CAPN2: variants seen among roughly 807,000 people sequenced by gnomAD.
CAPN2 encodes calpain-2 catalytic subunit.
Under a neutral mutation model 102.3 loss-of-function variants are expected in CAPN2, and 92 were observed. That is an observed-to-expected ratio of 0.90 (90% CI 0.76 to 1.07). The LOEUF (loss-of-function observed/expected upper bound fraction) is 1.07. Among genes scored for constraint, CAPN2 ranks in the 50% least tolerant of loss-of-function variants. The probability of loss-of-function intolerance (pLI) is 0.00; values close to 1 mark genes in which losing one functional copy is unlikely to be tolerated. For missense variants in CAPN2, 800 were observed against 909.4 expected (o/e 0.88, Z 1.55); for synonymous variants, 340 against 355.4 (o/e 0.96, Z 0.49).
At chr1:223,748,049 G>A (rs1247623232) in intron 5 of CAPN2, among the ~76,000 whole-genome samples, 1 of 152,010 alleles carries the variant, frequency 6.6e-6, no homozygotes, top group Non-Finnish European at 1.5e-5. Flanking sequence ...TTCCCTGGGA[G>A]CCCCTGCCAC....
At chr1:223,750,710 G>A (rs765977007) in intron 6 of CAPN2, among the ~76,000 whole-genome samples, 180 bp from the exon 7 acceptor site, 5 of 152,206 alleles carry the variant, frequency 3.3e-5, no homozygotes, top group Non-Finnish European at 7.3e-5. Context: ...AGAGGTCTGG[G>A]TGCCAAGCCC....
chr1:223,762,382 T>C lies in CAPN2; in HGVS notation c.1632+131T>C. ...AACAAAAGCAAAGAGAAATTGCAAA[T>C]GGCACTTGGGTTCCAGCTCAGCCCT... On this transcript the variant is annotated intron_variant, in intron 14 of 20. Transcript: ENST00000295006. 4 of 725,714 alleles carry C rather than the reference T, an allele frequency of 5.5e-6. 1 individual carries two copies. The South Asian group carries it at 6.9e-5, about 12-fold the overall frequency. The allele number at this position is 725,714 out of a possible 1,614,324, so 45.0% of individuals were successfully genotyped here.
intron 2 of CAPN2, among the ~76,000 whole-genome samples, chr1:223,724,904 G>A (rs1660149262): frequency 6.6e-6 from 1 of 152,186 alleles, no homozygotes; most frequent in African/African-American, 2.4e-5. Context: ...AGCCCAGGAG[G>A]TCAAGGCTGC....
intron 2 of CAPN2, among the ~76,000 whole-genome samples, chr1:223,737,732 A>ATAACAC: frequency 6.8e-6 from 1 of 147,968 alleles, no homozygotes; most frequent in Non-Finnish European, 1.5e-5. Flanking sequence ...AGAGAATACA[A>ATAACAC]TAACACCATG....
At chr1:223,750,804 C>G (rs190752061) in intron 6 of CAPN2, 86 bp from the exon 7 acceptor site, 51 of 1,254,484 alleles carry the variant, frequency 4.1e-5, no homozygotes, top group Admixed American at 9.9e-5. Flanking sequence ...CCTCCTGGCT[C>G]ATGCGGAAGG....
rs201997062 is a variant in CAPN2, at chr1:223,750,987, G to A, written c.899+12G>A. The stretch of plus-strand genomic sequence containing the variant: ...CGGTGGAATGACAAGTGAGGAGGGC[G>A]CAGGCCTCGGGGCCCCAGGCGGGGG... On this transcript the variant is annotated intron_variant, in intron 7 of 20. Transcript: ENST00000295006. The A allele has an allele frequency of 4.1e-4, 640 of 1,550,410 alleles. 2 individuals carry two copies. Among genetic ancestry groups the A allele is most frequent in the East Asian group, 2.6e-3 (108 of 40,914 alleles).
At chr1:223,745,720 A>C (rs573979473) in intron 4 of CAPN2, among the ~76,000 whole-genome samples, 2 of 152,386 alleles carry the variant, frequency 1.3e-5, no homozygotes, top group East Asian at 3.9e-4. Flanking sequence ...GAGATAGTGC[A>C]TGCAGGGTGC....
intron 2 of CAPN2, among the ~76,000 whole-genome samples, chr1:223,741,433 A>ATG (rs1558067950): frequency 1.5e-5 from 1 of 67,216 alleles, no homozygotes; most frequent in African/African-American, 1.5e-4. Flanking sequence ...ATATATATAT[A>ATG]TAATGTGTAT....
At chr1:223,753,042 C>T (rs1660945070) in intron 9 of CAPN2, 86 bp downstream of exon 9, 3 of 1,291,912 alleles carry the variant, frequency 2.3e-6, no homozygotes, top group Non-Finnish European at 1.1e-6. Context: ...GTACCACACC[C>T]CAGCCTAGCA....
At chr1:223,722,743 A>T (rs1013563385) in intron 2 of CAPN2, among the ~76,000 whole-genome samples, 1 of 152,174 alleles carries the variant, frequency 6.6e-6, no homozygotes, top group Non-Finnish European at 1.5e-5. Flanking sequence ...AGTTTCCCCT[A>T]TTATTAACAT....
In CAPN2 at chr1:223,702,165, C is replaced by T. The variant is rs1327602236; in HGVS notation, c.3+334C>T. Among the ~76,000 whole-genome samples the T allele has an allele frequency of 3.4e-5, 5 of 145,138 alleles. No homozygotes were observed. In the South Asian group the frequency reaches 1.1e-3, roughly 33 times the overall value. On this transcript the variant is annotated intron_variant, in intron 1 of 20. Coordinates refer to the CAPN2 transcript ENST00000433674. Reference sequence around the variant, plus strand: ...AGGAGGCTGGGCGCCGTGGCTCACGCCTGTAATCCCAGCACTTTGGGAGGC... The same window carrying T: ...AGGAGGCTGGGCGCCGTGGCTCACGTCTGTAATCCCAGCACTTTGGGAGGC...
intron 1 of CAPN2, among the ~76,000 whole-genome samples, 187 bp from the exon 2 acceptor site, chr1:223,717,575 A>C (rs1244273991): frequency 1.3e-5 from 2 of 152,120 alleles, no homozygotes; most frequent in Non-Finnish European, 2.9e-5. Flanking sequence ...CCATCCACCC[A>C]TCAGGGCCCA....
At position 223,737,260 on chromosome 1, in the gene CAPN2, G is replaced by A. The variant is rs1660477394; in HGVS notation, c.308-6840G>A. Among the ~76,000 whole-genome samples the A allele has an allele frequency of 3.3e-5, 5 of 152,292 alleles. No homozygotes were observed. The South Asian group carries it at 1.0e-3, about 32-fold the overall frequency. The stretch of plus-strand genomic sequence containing the variant: ...CCTCTCAGGTCTGTGCCAGTTGAGT[G>A]TCTTCCAGGACAGAAGCATGGCTGG... On this transcript the variant is annotated intron_variant, in intron 2 of 20. Transcript: ENST00000295006.
At chr1:223,706,440 T>C (rs1457739179) in intron 1 of CAPN2, among the ~76,000 whole-genome samples, 3 of 152,224 alleles carry the variant, frequency 2.0e-5, no homozygotes, top group Non-Finnish European at 4.4e-5. Flanking sequence ...ATATTCTCTG[T>C]GATCTCCTTT....
chr1:223,744,094 TC>T lies in CAPN2; in HGVS notation c.308-5del. ...CTGATAAGAGCTCCTTGTGCTGTGT[TC>T]ACAGGTGACTGCTGGCTGCTGGCAG... is the stretch of plus-strand genomic sequence containing the variant. On this transcript the variant is annotated splice_region_variant and splice_polypyrimidine_tract_variant and intron_variant, in intron 2 of 20. Coordinates refer to ENST00000295006, the MANE Select transcript of CAPN2 (RefSeq NM_001748.5). 2 of 1,599,242 alleles carry T rather than the reference TC, an allele frequency of 1.3e-6. No individual in the cohort carries two copies. The highest frequency in any genetic ancestry group is 1.7e-6 in the Non-Finnish European group (2 of 1,166,488).
Position 223,761,777 on chromosome 1 carries a change from C to G in CAPN2, c.1566+160C>G, listed in dbSNP as rs1166802943. On this transcript the variant is annotated intron_variant, in intron 13 of 20. Coordinates refer to ENST00000295006, the MANE Select transcript of CAPN2 (RefSeq NM_001748.5). ...CAAGAGTCGACTACCTGCATCAGCTCTGGCCTCTGTGCTGGGGGCATGGGC... is the reference window on the plus strand; with the variant it reads ...CAAGAGTCGACTACCTGCATCAGCTGTGGCCTCTGTGCTGGGGGCATGGGC... 19 of 626,584 alleles carry G rather than the reference C, an allele frequency of 3.0e-5. No individual in the cohort carries two copies. In the Middle Eastern group the frequency reaches 7.6e-4, roughly 25 times the overall value. 38.8% of individuals were successfully genotyped at this position (626,584 alleles called of 1,614,324 possible).
At chr1:223,739,905 G>A (rs1660570130) in intron 2 of CAPN2, among the ~76,000 whole-genome samples, 1 of 152,272 alleles carries the variant, frequency 6.6e-6, no homozygotes, top group African/African-American at 2.4e-5. Flanking sequence ...CGAGCTAGCT[G>A]GCTTATTTTA....
chr1:223,747,403 C>T (rs2102798974), intron 5 of CAPN2, among the ~76,000 whole-genome samples: 1 of 152,280 alleles, frequency 6.6e-6, no homozygotes, highest in Middle Eastern at 3.4e-3. Flanking sequence ...GGGAGAATCA[C>T]AAGAGATTTC....
chr1:223,748,907 C>T (rs1660816647), intron 5 of CAPN2, 132 bp from the exon 6 acceptor site: 2 of 778,814 alleles, frequency 2.6e-6, no homozygotes, highest in Non-Finnish European at 4.5e-6. Context: ...AGCCCTGAGC[C>T]TCCCACCCCA....
Sources: allele counts gnomAD v4.1 joint callset (sites outside exome capture counted in the v4.1 genomes callset), GRCh38; gene constraint gnomAD v4.1.1; transcripts MANE v1.5; gene names NCBI Gene and HGNC (gene_info 2026-07-23, HGNC 2026-07-21).